SOS2: variants seen among roughly 807,000 people sequenced by gnomAD.
The protein encoded by SOS2 is SOS Ras/Rho guanine nucleotide exchange factor 2, also known as son of sevenless homolog 2.
Under a neutral mutation model 148.2 loss-of-function variants are expected in SOS2, and 65 were observed. The observed-to-expected ratio is 0.44, with a 90% CI of 0.36 to 0.54. SOS2 has a LOEUF of 0.54. Among genes scored for constraint, SOS2 ranks in the 20% least tolerant of loss-of-function variants. SOS2 has a pLI of 0.00. For synonymous variants in SOS2, 539 were observed against 537.1 expected, an observed-to-expected ratio of 1.00 and a Z score of -0.05; for missense variants, 1,341 against 1,590.2, an observed-to-expected ratio of 0.84 and a Z score of 2.67.
At chr14:50,174,210 T>C (rs927541100) in intron 8 of SOS2, among the ~76,000 whole-genome samples, 2 of 152,130 alleles carry the variant, frequency 1.3e-5, no homozygotes, top group African/African-American at 4.8e-5. Flanking sequence ...TTTTAATGTG[T>C]TGCTTGGGTC....
intron 9 of SOS2, 40 bp downstream of exon 9, chr14:50,161,442 G>A (rs1885006088): frequency 6.4e-7 from 1 of 1,556,976 alleles, no homozygotes. Context: ...AGACAGCGAA[G>A]TAAGCAGAGG....
chr14:50,170,900 G>T (rs1885340038), intron 8 of SOS2, among the ~76,000 whole-genome samples: 1 of 150,984 alleles, frequency 6.6e-6, no homozygotes, highest in South Asian at 2.1e-4. Flanking sequence ...ATCGCTTGAG[G>T]TCAGGAATTC....
intron 3 of SOS2, 111 bp downstream of exon 3, chr14:50,200,842 C>T (rs1211064471): frequency 1.0e-5 from 9 of 879,120 alleles, no homozygotes; most frequent in Admixed American, 2.1e-5. Flanking sequence ...TATGGAAGTG[C>T]ACATATACAC....
intron 4 of SOS2, among the ~76,000 whole-genome samples, chr14:50,197,155 C>G (rs1292491537): frequency 6.6e-6 from 1 of 152,020 alleles, no homozygotes; most frequent in Non-Finnish European, 1.5e-5. Flanking sequence ...GCCTGGCCTA[C>G]AACATCTAAA....
chr14:50,142,470 A>G (rs1884328441), intron 16 of SOS2, among the ~76,000 whole-genome samples: 1 of 152,222 alleles, frequency 6.6e-6, no homozygotes, highest in Non-Finnish European at 1.5e-5. Context: ...ATAATGTTAA[A>G]AGAGGAGTAT....
chr14:50,131,229 A>G (rs1283208126), intron 19 of SOS2, among the ~76,000 whole-genome samples: 1 of 152,128 alleles, frequency 6.6e-6, no homozygotes, highest in African/African-American at 2.4e-5. Flanking sequence ...AATTCCTATC[A>G]TTGTCTCCCA....
At chr14:50,130,081 C>A in intron 20 of SOS2, 79 bp from the exon 21 acceptor site, 1 of 861,934 alleles carries the variant, frequency 1.2e-6, no homozygotes, top group Non-Finnish European at 1.9e-6. Flanking sequence ...ATAAATAATA[C>A]GTAATACACA....
At position 50,163,507 on chromosome 14, in the gene SOS2, A is replaced by T. The variant is rs17714910; in HGVS notation, c.1069-1898T>A. Among the ~76,000 whole-genome samples the T allele has an allele frequency of 8.2e-3, 1,247 of 152,278 alleles. 48 individuals carry two copies. Among genetic ancestry groups the T allele is most frequent in the Admixed American group, 0.073 (1,109 of 15,276 alleles). ...CACATGTAGAGGTCTTGTCATCAAG[A>T]GATTAGCAACATAAATAATGTAAAT... On this transcript the variant is annotated intron_variant, in intron 8 of 22. Coordinates refer to ENST00000216373, the MANE Select transcript of SOS2 (RefSeq NM_006939.4).
intron 21 of SOS2, among the ~76,000 whole-genome samples, chr14:50,128,279 G>GGAA (rs1321743613): frequency 2.0e-5 from 3 of 151,846 alleles, no homozygotes; most frequent in African/African-American, 7.3e-5. Flanking sequence ...GCACCAGGAA[G>GGAA]GAAGATTCTA....
intron 4 of SOS2, among the ~76,000 whole-genome samples, chr14:50,197,574 GAAGTT>G (rs59424960): frequency 0.22 from 32,718 of 151,808 alleles, 3,836 homozygotes; most frequent in East Asian, 0.44. Context: ...CCAGGTTATA[GAAGTT>G]AAGGGAGGAG....
chr14:50,122,391 C>CTTTTTTTTTTTTTTTTT (rs71118839), intron 21 of SOS2, among the ~76,000 whole-genome samples: 36 of 88,292 alleles, frequency 4.1e-4, no homozygotes, highest in African/African-American at 1.5e-3. Flanking sequence ...GAACCCTGGG[C>CTTTTTTTTTTTTTTTTT]TTTTTTTTTT....
At chr14:50,171,054 C>T (rs1594990142) in intron 8 of SOS2, among the ~76,000 whole-genome samples, 1 of 150,382 alleles carries the variant, frequency 6.6e-6, no homozygotes, top group Middle Eastern at 3.4e-3. Flanking sequence ...GCGGAGGTTG[C>T]AGTGAGCCAA....
At chr14:50,159,046 C>T (rs1015532903) in intron 10 of SOS2, among the ~76,000 whole-genome samples, 38 of 151,830 alleles carry the variant, frequency 2.5e-4, no homozygotes, top group Non-Finnish European at 1.8e-4. Context: ...AAAAATTAGC[C>T]GGGCATTGTT....
In SOS2 at chr14:50,204,342, A is replaced by C. The variant is rs771695525; in HGVS notation, c.155T>G (p.Ile52Ser). 6.3e-7 allele frequency: 1 copy of C among 1,590,876 alleles called. No homozygotes were observed. The highest frequency in any genetic ancestry group is 8.6e-7 in the Non-Finnish European group (1 of 1,160,552). Residue 52 changes from isoleucine (I) to serine (S), a missense_variant, in exon 2 of 23, where the codon ATT (isoleucine) becomes AGT (serine). Physicochemically the swap from Ile to Ser is moderately radical, Grantham distance 142 (BLOSUM62 -2). Around this residue, in one of 4 missense-constraint regions of SOS2, gnomAD observed 574 missense variants for 711.1 expected, o/e 0.81. Transcript: ENST00000216373. ...EESLYYIEELIFQLLNKLCMA... is the reference protein window; with the variant it reads ...EESLYYIEELSFQLLNKLCMA... ...GCATAATTTATTAAGCAGCTGAAAA[A>C]TCAGCTCTTCAATATAATAGAGAGA...
At chr14:50,166,610 A>G (rs183073134) in intron 8 of SOS2, among the ~76,000 whole-genome samples, 33 of 152,260 alleles carry the variant, frequency 2.2e-4, no homozygotes, top group Middle Eastern at 3.4e-3. Flanking sequence ...AGTTGTCTAT[A>G]AGTGTATCCT....
In SOS2 at chr14:50,118,409, G is replaced by A. The variant is rs775973831; in HGVS notation, c.3934C>T (p.Arg1312Trp). ...LPKLPPKTYK[R>W]ELSHPPLYRL... is the part of the protein sequence containing the mutation. ...TACAATGGGGGGTGCGAAAGCTCCC[G>A]TTTGTAAGTCTTTGGTGGCAGTTTT... is the stretch of plus-strand genomic sequence containing the variant. The change falls in exon 23 of 23, where the codon CGG becomes TGG. Residue 1312 changes from arginine (R) to tryptophan (W), a missense_variant. Physicochemically the swap from Arg to Trp is moderately radical, Grantham distance 101 (BLOSUM62 -3). This residue lies in a region of SOS2 where 354 missense variants were observed against 347.7 expected (regional missense o/e 1.02). Transcript: ENST00000216373. The A allele has an allele frequency of 3.1e-6, 5 of 1,614,068 alleles. No homozygotes were observed. Among genetic ancestry groups the A allele is most frequent in the Admixed American group, 1.7e-5 (1 of 60,018 alleles).
At chr14:50,230,806 C>T (rs890626051) in intron 1 of SOS2, 2 of 782,208 alleles carry the variant, frequency 2.6e-6, no homozygotes, top group Non-Finnish European at 3.1e-6. Flanking sequence ...AGGGGGAACA[C>T]TCCCAAAGAA....
intron 13 of SOS2, among the ~76,000 whole-genome samples, chr14:50,151,414 G>C (rs943147898): frequency 3.9e-5 from 6 of 152,126 alleles, no homozygotes; most frequent in Non-Finnish European, 8.8e-5. Context: ...CTTCTAACAG[G>C]AGGCATATAA....
chr14:50,144,522 C>T (rs2139573787), intron 16 of SOS2, among the ~76,000 whole-genome samples: 1 of 152,158 alleles, frequency 6.6e-6, no homozygotes, highest in South Asian at 2.1e-4. Context: ...ACTGCAAATG[C>T]TGCCTCCTGA....
Sources: allele counts gnomAD v4.1 joint callset (sites outside exome capture counted in the v4.1 genomes callset), GRCh38; gene constraint gnomAD v4.1.1; regional missense constraint gnomAD v4.1.1; transcripts MANE v1.5; gene names NCBI Gene and HGNC (gene_info 2026-07-23, HGNC 2026-07-21).